Variants in PTPRK observed in about 807,000 individuals in gnomAD.
PTPRK encodes the protein protein tyrosine phosphatase receptor type K.
A neutral mutation model predicts 178.0 loss-of-function variants in PTPRK; 75 were observed. That is an observed-to-expected ratio of 0.42 (90% CI 0.35 to 0.51). The LOEUF (loss-of-function observed/expected upper bound fraction) is 0.51, where lower values mean the gene tolerates loss of function less well. PTPRK is among the 20% of genes least tolerant of loss of function. PTPRK has a pLI of 0.02. For missense variants in PTPRK, 1,441 were observed against 1,797.8 expected, an observed-to-expected ratio of 0.80 and a Z score of 3.59; for synonymous variants, 637 against 620.6, an observed-to-expected ratio of 1.03 and a Z score of -0.39.
chr6:128,058,795 G>A lies in PTPRK; in HGVS notation c.2194+5963C>T, dbSNP rs193087421. On this transcript the variant is annotated intron_variant, in intron 13 of 29. Coordinates refer to ENST00000368226, the MANE Select transcript of PTPRK (RefSeq NM_002844.4). ...TGACTATTGTAACATCATAAAATAT[G>A]TTCTATATTCTTCTAAAAACTATAC... Among the ~76,000 whole-genome samples the A allele has an allele frequency of 7.9e-5, 12 of 151,410 alleles. No individual in the cohort carries two copies. The South Asian group carries it at 1.0e-3, about 13-fold the overall frequency.
intron 6 of PTPRK, among the ~76,000 whole-genome samples, chr6:128,204,526 A>G (rs965033532): frequency 5.9e-5 from 9 of 152,178 alleles, no homozygotes; most frequent in Non-Finnish European, 1.0e-4. Flanking sequence ...CCATCTGACA[A>G]AAGTCTAATA....
intron 3 of PTPRK, among the ~76,000 whole-genome samples, chr6:128,258,968 T>C (rs1466723306): frequency 6.6e-6 from 1 of 152,048 alleles, no homozygotes; most frequent in Non-Finnish European, 1.5e-5. Flanking sequence ...GTGGAGGATA[T>C]GGGGTAGAAT....
intron 1 of PTPRK, among the ~76,000 whole-genome samples, chr6:128,472,436 G>T (rs1328753305): frequency 7.9e-6 from 1 of 127,266 alleles, no homozygotes; most frequent in Non-Finnish European, 1.6e-5. Context: ...CCCCCCTTTA[G>T]CTTAGGGAAC....
chr6:127,983,405 G>C (rs1338750350), intron 22 of PTPRK, 28 bp from the exon 23 acceptor site: 3 of 1,608,534 alleles, frequency 1.9e-6, no homozygotes, highest in Non-Finnish European at 1.7e-6. Flanking sequence ...TTAATGAATT[G>C]TAAGAAGCAT....
At chr6:128,163,999 G>C (rs966103461) in intron 7 of PTPRK, among the ~76,000 whole-genome samples, 1 of 151,280 alleles carries the variant, frequency 6.6e-6, no homozygotes, top group Non-Finnish European at 1.5e-5. Flanking sequence ...TGCATAGTAA[G>C]AATTCTCATT....
intron 5 of PTPRK, among the ~76,000 whole-genome samples, chr6:128,239,071 G>A (rs1052764796): frequency 4.8e-5 from 7 of 144,460 alleles, no homozygotes; most frequent in African/African-American, 1.6e-4. Context: ...CTATCTAAAG[G>A]ATGTAGTAAA....
chr6:128,419,319 GAC>G (rs906848320), intron 1 of PTPRK, among the ~76,000 whole-genome samples: 40 of 152,290 alleles, frequency 2.6e-4, no homozygotes, highest in African/African-American at 9.4e-4. Flanking sequence ...AAAGTGAAAA[GAC>G]AGAGAATGCG....
chr6:128,520,242 G>GC lies in PTPRK; in HGVS notation c.100+16dup, dbSNP rs745530294. The GC allele has an allele frequency of 7.2e-5, 112 of 1,565,946 alleles. No homozygotes were observed. Among genetic ancestry groups the GC allele is most frequent in the Non-Finnish European group, 9.4e-5 (109 of 1,154,052 alleles). On this transcript the variant is annotated intron_variant, in intron 1 of 29. Transcript: ENST00000368226. ...AGGACTCCAGGCGTTCGTCGGGGAC[G>GC]CCCCCCGGCCACTCACCTGCGGAGA... is the stretch of plus-strand genomic sequence containing the variant.
chr6:128,099,312 G>T (rs1480136260), intron 7 of PTPRK, among the ~76,000 whole-genome samples: 1 of 151,606 alleles, frequency 6.6e-6, no homozygotes, highest in Non-Finnish European at 1.5e-5. Flanking sequence ...GAATTGGTCA[G>T]TCAATTCAGT....
At position 128,485,916 on chromosome 6, in the gene PTPRK, C is replaced by T. The variant is rs566121265; in HGVS notation, c.100+34343G>A. ...AAACACACTTTTTAAAATCTACATA[C>T]CATCTTTTCATTTTTATAACAAAGT... On this transcript the variant is annotated intron_variant, in intron 1 of 29. Transcript: ENST00000368226. 1.1e-4 allele frequency among the ~76,000 whole-genome samples: 16 copies of T among 152,238 alleles called. 1 individual carries two copies. In the South Asian group the frequency reaches 3.3e-3, roughly 32 times the overall value.
At chr6:128,406,347 G>A (rs76518603) in intron 1 of PTPRK, among the ~76,000 whole-genome samples, 1 of 151,928 alleles carries the variant, frequency 6.6e-6, no homozygotes, top group Non-Finnish European at 1.5e-5. Context: ...TTCTAGACTA[G>A]GTTAACATAG....
At chr6:128,391,321 T>C (rs941780465) in intron 2 of PTPRK, among the ~76,000 whole-genome samples, 1 of 152,094 alleles carries the variant, frequency 6.6e-6, no homozygotes. Context: ...AATCTCTCAG[T>C]TCCCCTTAGG....
chr6:128,237,948 TA>T, intron 5 of PTPRK: 1 of 403,222 alleles, frequency 2.5e-6, no homozygotes, highest in Non-Finnish European at 4.8e-6. Flanking sequence ...AATTTCATAA[TA>T]AAAGTTTTTA....
intron 1 of PTPRK, among the ~76,000 whole-genome samples, chr6:128,499,158 A>AT (rs979633005): frequency 1.3e-5 from 2 of 152,162 alleles, no homozygotes; most frequent in Non-Finnish European, 2.9e-5. Flanking sequence ...GGAAAAGTAA[A>AT]TAAAAAAAAA....
chr6:128,332,820 C>G (rs1404389020), intron 2 of PTPRK, among the ~76,000 whole-genome samples: 1 of 152,118 alleles, frequency 6.6e-6, no homozygotes, highest in Admixed American at 6.6e-5. Context: ...TCTTTGAAAT[C>G]TGAAGTAAAT....
chr6:127,993,045 T>C (rs922362891), intron 18 of PTPRK, among the ~76,000 whole-genome samples: 2 of 151,708 alleles, frequency 1.3e-5, no homozygotes, highest in Admixed American at 6.6e-5. Flanking sequence ...AAAATAGTGT[T>C]TAAAAATATT....
At chr6:128,170,649 T>A (rs537683144) in intron 7 of PTPRK, among the ~76,000 whole-genome samples, 5 of 152,058 alleles carry the variant, frequency 3.3e-5, no homozygotes, top group Non-Finnish European at 5.9e-5. Flanking sequence ...CAACTGTTGT[T>A]ACCTTTCATT....
intron 7 of PTPRK, among the ~76,000 whole-genome samples, chr6:128,095,224 G>C (rs970134404): frequency 6.6e-6 from 1 of 152,178 alleles, no homozygotes; most frequent in Non-Finnish European, 1.5e-5. Context: ...TGATGGATAA[G>C]TAGCTTCACT....
At chr6:128,148,455 T>C (rs1455295087) in intron 7 of PTPRK, among the ~76,000 whole-genome samples, 1 of 152,190 alleles carries the variant, frequency 6.6e-6, no homozygotes, top group Non-Finnish European at 1.5e-5. Flanking sequence ...GAATGTCTAC[T>C]ACAGCATGAA....
Sources: allele counts gnomAD v4.1 joint callset (sites outside exome capture counted in the v4.1 genomes callset), GRCh38; gene constraint gnomAD v4.1.1; transcripts MANE v1.5; gene names NCBI Gene and HGNC (gene_info 2026-07-23, HGNC 2026-07-21).